Variants in ARMCX4 observed in about 807,000 individuals in gnomAD.
ARMCX4 encodes armadillo repeat containing X-linked 4, also known as armadillo repeat-containing X-linked protein 4.
ARMCX4 carries 3 observed loss-of-function variants against 34.7 expected under a neutral mutation model. The observed-to-expected ratio is 0.09, with a 90% CI of 0.04 to 0.22. The LOEUF is 0.22. Among genes scored for constraint, ARMCX4 ranks in the 10% least tolerant of loss-of-function variants. ARMCX4 has a pLI of 1.00. For missense variants in ARMCX4, 1,448 were observed against 1,720.8 expected, an observed-to-expected ratio of 0.84 and a Z score of 2.81; for synonymous variants, 513 against 632.8, an observed-to-expected ratio of 0.81 and a Z score of 2.84.
In ARMCX4 at chrX:101,491,414, C is replaced by T; in HGVS notation, c.2825C>T (p.Ala942Val). 2 of 1,155,626 alleles carry T rather than the reference C, an allele frequency of 1.7e-6. No individual in the cohort carries two copies. Among genetic ancestry groups the T allele is most frequent in the Non-Finnish European group, 2.3e-6 (2 of 872,893 alleles). Reference protein sequence around the residue: ...SNAISKAEAGAGIMGSVQVQV... With the variant: ...SNAISKAEAGVGIMGSVQVQV... ...GCTATTTCTAAGGCAGAGGCTGGGGCAGGCATAATGGGCTCTGTCCAGGTC... is the reference window on the plus strand; with the variant it reads ...GCTATTTCTAAGGCAGAGGCTGGGGTAGGCATAATGGGCTCTGTCCAGGTC... Residue 942 changes from alanine (A) to valine (V), a missense_variant, in exon 6 of 6, where the codon GCA (alanine) becomes GTA (valine). This residue lies in a region of ARMCX4 where 1,343 missense variants were observed against 1,540.7 expected (regional missense o/e 0.87). Coordinates refer to ENST00000423738, the MANE Select transcript of ARMCX4 (RefSeq NM_001256155.3).
chrX:101,448,474 G>T (rs1222855399), downstream of ARMCX4, among the ~76,000 whole-genome samples: 2 of 112,364 alleles, frequency 1.8e-5, no homozygotes, highest in African/African-American at 6.5e-5. Context: ...GTGTACAAGG[G>T]TTCCCTTTTC....
chrX:101,456,174 A>G (rs1034512156), intron 4 of ARMCX4, among the ~76,000 whole-genome samples: 14 of 111,805 alleles, frequency 1.3e-4, no homozygotes, highest in African/African-American at 3.9e-4. Context: ...TCCTTTGGAT[A>G]TATACTCAGT....
At chrX:101,509,239 T>C (rs1556015868) in intron 8 of ARMCX4, 1 of 111,926 alleles carries the variant, frequency 8.9e-6, no homozygotes, top group African/African-American at 3.2e-5. Flanking sequence ...ACACAACTTT[T>C]ATTTTGGGAT....
chrX:101,484,043 A>G (rs1933585432), upstream of ARMCX4, among the ~76,000 whole-genome samples: 1 of 111,938 alleles, frequency 8.9e-6, no homozygotes, highest in Admixed American at 9.5e-5. Flanking sequence ...AGGGGCTTGT[A>G]TGGGAGGTGC....
chrX:101,525,379 G>C (rs782646975), intron 11 of ARMCX4, among the ~76,000 whole-genome samples: 4 of 112,010 alleles, frequency 3.6e-5, no homozygotes, highest in Non-Finnish European at 7.5e-5. Context: ...GAGCAGAAAA[G>C]CTGAAAATTC....
downstream of ARMCX4, among the ~76,000 whole-genome samples, chrX:101,534,493 G>A (rs1195015637): frequency 1.8e-5 from 2 of 110,663 alleles, no homozygotes; most frequent in Non-Finnish European, 3.8e-5. Flanking sequence ...AGATACTATA[G>A]TTAAAACAGT....
intron 11 of ARMCX4, among the ~76,000 whole-genome samples, chrX:101,519,609 G>A (rs2056671155): frequency 9.0e-6 from 1 of 111,442 alleles, no homozygotes. Context: ...CTTGACTACT[G>A]TGAATAATGC....
intron 2 of ARMCX4, among the ~76,000 whole-genome samples, chrX:101,421,960 A>C (rs1929292315): frequency 9.3e-6 from 1 of 107,995 alleles, no homozygotes; most frequent in African/African-American, 3.4e-5. Context: ...GTTATTACTT[A>C]AATCAGTCTC....
At chrX:101,440,226 G>T (rs1365430526) in intron 2 of ARMCX4, among the ~76,000 whole-genome samples, 1 of 112,116 alleles carries the variant, frequency 8.9e-6, no homozygotes, top group Admixed American at 9.5e-5. Context: ...GTCTGTTGGA[G>T]TTTGCTGGAG....
At chrX:101,450,385 T>A (rs1262144139), downstream of ARMCX4, among the ~76,000 whole-genome samples, 2 of 111,901 alleles carry the variant, frequency 1.8e-5, no homozygotes, top group African/African-American at 6.5e-5. Flanking sequence ...CAGATTACCA[T>A]CAATGTTCAC....
chrX:101,468,527 C>T (rs1293568787), intron 4 of ARMCX4, among the ~76,000 whole-genome samples: 4 of 110,360 alleles, frequency 3.6e-5, no homozygotes, highest in Non-Finnish European at 7.6e-5. Flanking sequence ...TAGTCTCAAA[C>T]GACCCACCCG....
chrX:101,483,226 GA>G (rs782301774), upstream of ARMCX4, among the ~76,000 whole-genome samples: 1,507 of 103,925 alleles, frequency 0.015, 20 homozygotes, highest in African/African-American at 0.05. Flanking sequence ...CAAGCATTGC[GA>G]AAAAAAAAAA....
chrX:101,488,535 C>T lies in ARMCX4; in HGVS notation c.-55C>T. On this transcript the variant is annotated 5_prime_UTR_variant, in exon 6 of 6. Coordinates refer to ENST00000423738, the MANE Select transcript of ARMCX4 (RefSeq NM_001256155.3). ...ACCCACAACTACCACTCTCTTTACC[C>T]CAGCCCGAGTGCGCTCTACCATACC... is the stretch of plus-strand genomic sequence containing the variant. 8.7e-7 allele frequency: 1 copy of T among 1,155,370 alleles called. No individual in the cohort carries two copies.
At chrX:101,424,511 C>CA (rs1178463234) in intron 2 of ARMCX4, among the ~76,000 whole-genome samples, 1 of 111,346 alleles carries the variant, frequency 9.0e-6, no homozygotes, top group Non-Finnish European at 1.9e-5. Context: ...CCTGAGCTCT[C>CA]AAACTGTGGG....
At chrX:101,471,984 A>C (rs1191640190) in intron 4 of ARMCX4, among the ~76,000 whole-genome samples, 1 of 91,484 alleles carries the variant, frequency 1.1e-5, no homozygotes, top group Admixed American at 1.3e-4. Flanking sequence ...TGAGAGAAGA[A>C]GGCTTCAGAC....
intron 2 of ARMCX4, among the ~76,000 whole-genome samples, chrX:101,432,094 C>T (rs781795296): frequency 5.3e-5 from 6 of 112,185 alleles, no homozygotes; most frequent in African/African-American, 1.3e-4. Context: ...TTATAACATA[C>T]GCATTTTCCT....
At chrX:101,503,061 A>G (rs1471581929) in intron 7 of ARMCX4, among the ~76,000 whole-genome samples, 1 of 106,407 alleles carries the variant, frequency 9.4e-6, no homozygotes, top group East Asian at 3.0e-4. Flanking sequence ...TTGTGATAGT[A>G]TGCTGAGAAT....
intron 2 of ARMCX4, among the ~76,000 whole-genome samples, chrX:101,420,612 A>T (rs1196785413): frequency 8.9e-6 from 1 of 112,091 alleles, no homozygotes; most frequent in Non-Finnish European, 1.9e-5. Context: ...GGTGGTCAGG[A>T]ATTGCTTCAA....
At chrX:101,460,257 A>T (rs1183301293) in intron 4 of ARMCX4, among the ~76,000 whole-genome samples, 2 of 112,068 alleles carry the variant, frequency 1.8e-5, no homozygotes, top group African/African-American at 6.5e-5. Context: ...AGGGGGTGAC[A>T]CTATATCATT....
Sources: gnomAD v4.1 joint callset for allele counts (sites outside exome capture counted in the v4.1 genomes callset) on GRCh38, gnomAD v4.1.1 for gene constraint, gnomAD v4.1.1 regional missense constraint, MANE v1.5 for transcripts, NCBI Gene and HGNC (gene_info 2026-07-23, HGNC 2026-07-21) for gene names.